Variants in ASCC3 observed in about 807,000 individuals in gnomAD.
ASCC3 encodes ASC-1 complex subunit P200.
A neutral mutation model predicts 256.3 loss-of-function variants in ASCC3; 158 were observed. That is an observed-to-expected ratio of 0.62 (90% CI 0.54 to 0.70). The LOEUF is 0.70. Ranked by LOEUF, ASCC3 falls within the 30% of genes least tolerant of loss-of-function variation. The pLI, the probability that ASCC3 is intolerant of heterozygous loss-of-function variation, is 0.00. For synonymous variants in ASCC3, 948 were observed against 883.4 expected, an observed-to-expected ratio of 1.07 and a Z score of -1.30; for missense variants, 2,259 against 2,626.0, an observed-to-expected ratio of 0.86 and a Z score of 3.05.
At chr6:100,554,340 C>T (rs919428064) in intron 36 of ASCC3, among the ~76,000 whole-genome samples, 4 of 152,046 alleles carry the variant, frequency 2.6e-5, no homozygotes, top group Admixed American at 1.3e-4. Context: ...AGGAAAGACA[C>T]GACCAGAATG....
At chr6:100,777,056 A>C (rs1190243178) in intron 8 of ASCC3, among the ~76,000 whole-genome samples, 1 of 152,112 alleles carries the variant, frequency 6.6e-6, no homozygotes, top group Non-Finnish European at 1.5e-5. Flanking sequence ...AATATTCCTC[A>C]CAAACCTGGC....
intron 10 of ASCC3, among the ~76,000 whole-genome samples, chr6:100,761,993 G>T (rs1428438395): frequency 6.6e-6 from 1 of 152,086 alleles, no homozygotes; most frequent in African/African-American, 2.4e-5. Flanking sequence ...GTAGATCAGA[G>T]CAGTGTGACA....
At position 100,867,919 on chromosome 6, in the gene ASCC3, C is replaced by T. The variant is rs1773555108; in HGVS notation, c.79G>A (p.Ala27Thr). ...TTTAACAAATCTACCTTTAAGTCAG[C>T]CACTTCTTCATTATAATTATCTTGC... ...TKQDNYNEEV[A>T]DLKIKRSKLH... Residue 27 changes from alanine to threonine, a missense_variant, in exon 2 of 42, where the codon GCT becomes ACT. Physicochemically the swap from Ala to Thr is moderately conservative, Grantham distance 58. This residue lies in a region of ASCC3 where 420 missense variants were observed against 419.3 expected (regional missense o/e 1.00). Coordinates refer to ENST00000369162, the MANE Select transcript of ASCC3 (RefSeq NM_006828.4). 2 of 1,612,436 alleles carry T rather than the reference C, an allele frequency of 1.2e-6. No individual in the cohort carries two copies. Among genetic ancestry groups the T allele is most frequent in the Admixed American group, 3.3e-5 (2 of 59,986 alleles).
chr6:100,817,055 A>C (rs950535400), intron 4 of ASCC3, among the ~76,000 whole-genome samples: 1 of 152,108 alleles, frequency 6.6e-6, no homozygotes, highest in South Asian at 2.1e-4. Flanking sequence ...AGCACGCATG[A>C]AACTTCTCCA....
In ASCC3 at chr6:100,602,740, A is replaced by C. The variant is rs548132519; in HGVS notation, c.5178-805T>G. On this transcript the variant is annotated intron_variant, in intron 33 of 41. Coordinates refer to ENST00000369162, the MANE Select transcript of ASCC3 (RefSeq NM_006828.4). Reference sequence around the variant, plus strand: ...ATTAGGTGTTGTGGAGTACACAAAGATAATCAGATGTGTTGAAAGACTGGT... The same window carrying C: ...ATTAGGTGTTGTGGAGTACACAAAGCTAATCAGATGTGTTGAAAGACTGGT... Among the ~76,000 whole-genome samples the C allele has an allele frequency of 2.6e-5, 4 of 152,234 alleles. No homozygotes were observed. In the East Asian group the frequency reaches 7.7e-4, roughly 29 times the overall value.
intron 26 of ASCC3, among the ~76,000 whole-genome samples, chr6:100,630,637 T>C (rs75531311): frequency 0.015 from 2,339 of 152,140 alleles, 23 homozygotes; most frequent in East Asian, 0.045. Flanking sequence ...CTGTAATCTT[T>C]TGCTATTTAA....
intron 34 of ASCC3, among the ~76,000 whole-genome samples, chr6:100,597,833 G>C (rs1262140686): frequency 1.0e-5 from 1 of 99,902 alleles, no homozygotes; most frequent in Admixed American, 1.1e-4. Flanking sequence ...AATTAGCCGA[G>C]CATGGTGGAA....
At chr6:100,597,432 G>A (rs1244981398) in intron 34 of ASCC3, among the ~76,000 whole-genome samples, 1 of 152,056 alleles carries the variant, frequency 6.6e-6, no homozygotes, top group Non-Finnish European at 1.5e-5. Context: ...TAAATTTTAT[G>A]ATTTTTGAGG....
At chr6:100,598,057 T>C (rs1772400585) in intron 34 of ASCC3, among the ~76,000 whole-genome samples, 1 of 151,942 alleles carries the variant, frequency 6.6e-6, no homozygotes, top group Non-Finnish European at 1.5e-5. Context: ...GACTGGACTT[T>C]TTAGACTGTT....
In ASCC3 at chr6:100,509,395, T is replaced by C. The variant is rs200535343; in HGVS notation, c.6600A>G (p.Ala2200=). The C allele has an allele frequency of 2.2e-4, 357 of 1,614,202 alleles. 3 individuals are homozygous for C. The highest frequency in any genetic ancestry group is 7.6e-6 in the Non-Finnish European group (9 of 1,180,024). ...GATTGTTCAGGTCAAGTTACTTTAA[T>C]GCCAGGTCAGTCAGGGAATCAGAGA... ...TKVSDSLTDL[A]LK The change falls in exon 42 of 42, where the codon GCA becomes GCG. Residue 2200 remains alanine (A), a synonymous_variant. Coordinates refer to ENST00000369162, the MANE Select transcript of ASCC3 (RefSeq NM_006828.4).
rs1427670609 is a variant in ASCC3, at chr6:100,516,278, T to C, written c.5977A>G (p.Ile1993Val). ...KGPHARGRTS[I>V]ESLPELIHAC... is the part of the protein sequence containing the mutation. ...TGGATCAGTTCAGGAAGGGACTCGA[T>C]GGAGGTCCGACCCCTAGCATGTGGG... The change falls in exon 39 of 42, where the codon ATC becomes GTC. Residue 1993 changes from isoleucine to valine, a missense_variant. Coordinates refer to ENST00000369162, the MANE Select transcript of ASCC3 (RefSeq NM_006828.4). 3.1e-6 allele frequency: 5 copies of C among 1,613,692 alleles called. No homozygotes were observed. The Admixed American group carries it at 6.7e-5, about 22-fold the overall frequency.
intron 5 of ASCC3, among the ~76,000 whole-genome samples, 179 bp from the exon 6 acceptor site, chr6:100,800,683 A>G (rs73505002): frequency 9.8e-4 from 149 of 151,918 alleles, no homozygotes; most frequent in African/African-American, 3.5e-3. Context: ...GTATCTAAAT[A>G]AAATTACACG....
chr6:100,608,374 T>C (rs1414842432), intron 30 of ASCC3, among the ~76,000 whole-genome samples: 1 of 88,542 alleles, frequency 1.1e-5, no homozygotes. Context: ...GTATACCTTA[T>C]ATATATACCT....
At chr6:100,620,435 T>C (rs1773892241) in intron 30 of ASCC3, among the ~76,000 whole-genome samples, 1 of 152,168 alleles carries the variant, frequency 6.6e-6, no homozygotes, top group Non-Finnish European at 1.5e-5. Flanking sequence ...TTTGAAACTA[T>C]ACTGGATTAA....
intron 3 of ASCC3, among the ~76,000 whole-genome samples, chr6:100,859,357 G>A (rs796784941): frequency 1.4e-4 from 21 of 152,158 alleles, no homozygotes; most frequent in African/African-American, 5.1e-4. Context: ...TCTCTGTAGA[G>A]GGTTGTTCCA....
At chr6:100,774,349 G>A (rs1253217072) in intron 8 of ASCC3, among the ~76,000 whole-genome samples, 2 of 151,276 alleles carry the variant, frequency 1.3e-5, no homozygotes, top group Non-Finnish European at 3.0e-5. Flanking sequence ...CATGACACGT[G>A]CATGTCACCA....
At chr6:100,695,574 G>T (rs998467351) in intron 13 of ASCC3, among the ~76,000 whole-genome samples, 2 of 152,134 alleles carry the variant, frequency 1.3e-5, no homozygotes, top group Non-Finnish European at 2.9e-5. Flanking sequence ...GGTAACAAAA[G>T]CCTAGAGACT....
intron 2 of ASCC3, among the ~76,000 whole-genome samples, chr6:100,866,449 G>A (rs913043444): frequency 6.6e-6 from 1 of 152,172 alleles, no homozygotes; most frequent in Non-Finnish European, 1.5e-5. Flanking sequence ...TCACAGTAGT[G>A]AAATCATCAC....
chr6:100,525,393 T>C (rs902462042), intron 37 of ASCC3, among the ~76,000 whole-genome samples: 3 of 151,850 alleles, frequency 2.0e-5, no homozygotes, highest in African/African-American at 4.8e-5. Flanking sequence ...TGCAAAACAC[T>C]ATGGAAAGAT....
Sources: allele counts gnomAD v4.1 joint callset (sites outside exome capture counted in the v4.1 genomes callset), GRCh38; gene constraint gnomAD v4.1.1; regional missense constraint gnomAD v4.1.1; transcripts MANE v1.5; gene names NCBI Gene and HGNC (gene_info 2026-07-23, HGNC 2026-07-21).